The following ALK variants were observed in gnomAD, a reference collection of about 807,000 sequenced individuals.
ALK encodes the protein ALK receptor tyrosine kinase.
A neutral mutation model predicts 163.1 loss-of-function variants in ALK; 74 were observed. The observed-to-expected ratio is 0.45, with a 90% confidence interval of 0.38 to 0.55. ALK has a LOEUF of 0.55. ALK is among the 20% of genes least tolerant of loss of function. The pLI is 0.00. For missense variants in ALK, 2,063 were observed against 2,105.3 expected (o/e 0.98, Z 0.39); for synonymous variants, 960 against 843.2 (o/e 1.14, Z -2.40).
intron 5 of ALK, among the ~76,000 whole-genome samples, chr2:29,331,337 C>T (rs1271265603): frequency 6.6e-6 from 1 of 152,116 alleles, no homozygotes; most frequent in Non-Finnish European, 1.5e-5. Flanking sequence ...TGGATCTCAC[C>T]CAACACGGAT....
At position 29,719,082 on chromosome 2, in the gene ALK, C is replaced by G. The variant is rs185657523; in HGVS notation, c.668-1385G>C. Among the ~76,000 whole-genome samples the G allele has an allele frequency of 4.3e-3, 653 of 152,340 alleles. 1 individual carries two copies. Among genetic ancestry groups the G allele is most frequent in the Non-Finnish European group, 6.3e-3 (432 of 68,036 alleles). ...ATGGCAGTCTCTTGTTTCCAGACCC[C>G]TCCACTATTTTACCTGCAGGTGCTG... On this transcript the variant is annotated intron_variant, in intron 1 of 28. Coordinates refer to ENST00000389048, the MANE Select transcript of ALK (RefSeq NM_004304.5).
intron 8 of ALK, among the ~76,000 whole-genome samples, chr2:29,297,961 G>C (rs1666247305): frequency 6.6e-6 from 1 of 152,166 alleles, no homozygotes; most frequent in African/African-American, 2.4e-5. Context: ...TAAACTGGCA[G>C]TTTCGTCAGA....
At chr2:29,611,604 A>C (rs945404955) in intron 3 of ALK, among the ~76,000 whole-genome samples, 4 of 152,140 alleles carry the variant, frequency 2.6e-5, no homozygotes, top group Non-Finnish European at 1.5e-5. Context: ...GTCCCCACCC[A>C]AATCTCATCT....
At chr2:29,759,208 C>G (rs1275736372) in intron 1 of ALK, among the ~76,000 whole-genome samples, 1 of 152,156 alleles carries the variant, frequency 6.6e-6, no homozygotes, top group Admixed American at 6.5e-5. Flanking sequence ...TTTCCTATTC[C>G]TTGAGAATAT....
At chr2:29,545,297 T>C (rs972166894) in intron 3 of ALK, among the ~76,000 whole-genome samples, 1 of 152,222 alleles carries the variant, frequency 6.6e-6, no homozygotes, top group Non-Finnish European at 1.5e-5. Flanking sequence ...TGTGGTCTTA[T>C]GAATTGTTCA....
chr2:29,616,770 AG>A (rs1321580823), intron 3 of ALK, among the ~76,000 whole-genome samples: 6 of 152,210 alleles, frequency 3.9e-5, no homozygotes, highest in African/African-American at 7.2e-5. Context: ...TTTCCTGATA[AG>A]CATCTGTAGC....
intron 23 of ALK, among the ~76,000 whole-genome samples, chr2:29,217,205 GTGTTGCA>G (rs1573114979): frequency 6.6e-6 from 1 of 151,132 alleles, no homozygotes; most frequent in East Asian, 2.0e-4. Context: ...TGTTTTGTGT[GTGTTGCA>G]TGTTGCATAG....
intron 4 of ALK, among the ~76,000 whole-genome samples, chr2:29,515,628 CT>C (rs1672640860): frequency 1.3e-5 from 2 of 152,016 alleles, no homozygotes; most frequent in Non-Finnish European, 2.9e-5. Context: ...TGTAGATGTC[CT>C]TTTTGAATTG....
At chr2:29,677,642 T>C (rs1039768517) in intron 3 of ALK, among the ~76,000 whole-genome samples, 2 of 152,116 alleles carry the variant, frequency 1.3e-5, no homozygotes, top group East Asian at 1.9e-4. Flanking sequence ...CACTTGGTTA[T>C]AGTGTATCAT....
chr2:29,315,424 C>T (rs1666805562), intron 8 of ALK, among the ~76,000 whole-genome samples: 1 of 152,148 alleles, frequency 6.6e-6, no homozygotes, highest in Non-Finnish European at 1.5e-5. Flanking sequence ...TTTCTCATCC[C>T]TTTTCTGACT....
intron 3 of ALK, among the ~76,000 whole-genome samples, chr2:29,560,268 A>G (rs1315514934): frequency 6.6e-6 from 1 of 152,246 alleles, no homozygotes; most frequent in Non-Finnish European, 1.5e-5. Context: ...TTATTCAACA[A>G]TCTAAAGGAA....
Position 29,318,491 on chromosome 2 carries a change from T to C in ALK, c.1547-87A>G. The C allele has an allele frequency of 3.3e-6, 3 of 911,532 alleles. No individual in the cohort carries two copies. The South Asian group carries it at 4.0e-5, about 12-fold the overall frequency. 56.5% of individuals were successfully genotyped at this position (911,532 alleles called of 1,614,324 possible). A position where few individuals can be genotyped will look rare whatever the true frequency, so the allele number is the denominator to read the frequency against. ...AGGGTTAATGGACTGTGCACAGTTC[T>C]TATCTAGCCTAGGGATATCTTTGAG... On this transcript the variant is annotated intron_variant, in intron 7 of 28. Coordinates refer to ENST00000389048, the MANE Select transcript of ALK (RefSeq NM_004304.5).
At chr2:29,607,734 C>T (rs1675577351) in intron 3 of ALK, among the ~76,000 whole-genome samples, 1 of 152,158 alleles carries the variant, frequency 6.6e-6, no homozygotes, top group South Asian at 2.1e-4. Context: ...GTTCCTCTCA[C>T]CTCCTTGACC....
At chr2:29,460,816 G>A (rs936777833) in intron 4 of ALK, among the ~76,000 whole-genome samples, 5 of 152,226 alleles carry the variant, frequency 3.3e-5, no homozygotes, top group East Asian at 1.9e-4. Flanking sequence ...GAAAGGAAGC[G>A]TCATATGTCT....
At chr2:29,369,618 C>T (rs1668594574) in intron 5 of ALK, among the ~76,000 whole-genome samples, 1 of 152,090 alleles carries the variant, frequency 6.6e-6, no homozygotes, top group Admixed American at 6.5e-5. Flanking sequence ...CAGGCAATTC[C>T]ACGGCCCAGG....
intron 1 of ALK, among the ~76,000 whole-genome samples, chr2:29,918,800 T>C (rs570426098): frequency 3.3e-5 from 5 of 152,296 alleles, no homozygotes; most frequent in African/African-American, 7.2e-5. Flanking sequence ...TAGACATTAG[T>C]AGCCAGTGGA....
chr2:29,476,816 T>C (rs1671536149), intron 4 of ALK, among the ~76,000 whole-genome samples: 1 of 152,202 alleles, frequency 6.6e-6, no homozygotes, highest in Non-Finnish European at 1.5e-5. Context: ...CTGGAGCATT[T>C]CTTGCTGTGA....
chr2:29,465,174 A>G (rs1032432451), intron 4 of ALK, among the ~76,000 whole-genome samples: 8 of 152,194 alleles, frequency 5.3e-5, no homozygotes, highest in African/African-American at 1.9e-4. Context: ...ATCTTAAGGT[A>G]CCTAAACAAA....
chr2:29,548,797 T>G (rs540127524), intron 3 of ALK, among the ~76,000 whole-genome samples: 1 of 152,328 alleles, frequency 6.6e-6, no homozygotes, highest in East Asian at 1.9e-4. Flanking sequence ...ATATCTTATC[T>G]AAAGCAGTGT....
Sources: gnomAD v4.1 joint callset for allele counts (sites outside exome capture counted in the v4.1 genomes callset) on GRCh38, gnomAD v4.1.1 for gene constraint, MANE v1.5 for transcripts, NCBI Gene and HGNC (gene_info 2026-07-23, HGNC 2026-07-21) for gene names.